Variants in EPHA7 observed in about 807,000 individuals in gnomAD.
EPHA7 encodes EPH receptor A7.
A neutral mutation model predicts 112.6 loss-of-function variants in EPHA7; 25 were observed. That is an observed-to-expected ratio of 0.22 (90% CI 0.16 to 0.31). EPHA7 has a LOEUF of 0.31. Among genes scored for constraint, EPHA7 ranks in the 10% least tolerant of loss-of-function variants. EPHA7 has a pLI of 1.00. For synonymous variants in EPHA7, 437 were observed against 406.5 expected (o/e 1.07, Z -0.90); for missense variants, 962 against 1,212.6 (o/e 0.79, Z 3.07).
At chr6:93,414,917 C>A in intron 1 of EPHA7, 150 bp from the exon 2 acceptor site, 1 of 613,200 alleles carries the variant, frequency 1.6e-6, no homozygotes, top group Non-Finnish European at 2.8e-6. Flanking sequence ...TGAACACCCT[C>A]CTGATACATG....
intron 5 of EPHA7, among the ~76,000 whole-genome samples, chr6:93,309,092 G>A (rs954002190): frequency 6.6e-6 from 1 of 152,060 alleles, no homozygotes; most frequent in African/African-American, 2.4e-5. Context: ...GGGATTACAG[G>A]CATGTGTCAC....
chr6:93,363,720 C>A (rs1012786197), intron 3 of EPHA7, among the ~76,000 whole-genome samples: 1 of 152,108 alleles, frequency 6.6e-6, no homozygotes, highest in Non-Finnish European at 1.5e-5. Flanking sequence ...TAGGTATATA[C>A]TCAAGATAAA....
At chr6:93,366,413 T>C (rs1189384908) in intron 3 of EPHA7, among the ~76,000 whole-genome samples, 1 of 152,212 alleles carries the variant, frequency 6.6e-6, no homozygotes, top group Non-Finnish European at 1.5e-5. Flanking sequence ...TATCTGCAAA[T>C]GATTGTTTAT....
At chr6:93,285,479 T>C (rs546463682) in intron 5 of EPHA7, among the ~76,000 whole-genome samples, 143 of 151,746 alleles carry the variant, frequency 9.4e-4, no homozygotes, top group African/African-American at 3.3e-3. Flanking sequence ...CCAACAAACA[T>C]GTATTTGACC....
chr6:93,323,308 TG>T (rs1201807115), intron 5 of EPHA7, among the ~76,000 whole-genome samples: 1 of 151,502 alleles, frequency 6.6e-6, no homozygotes, highest in African/African-American at 2.4e-5. Context: ...TGGAATCCAA[TG>T]GGGTAAAACG....
At chr6:93,270,669 C>T (rs1771171870) in intron 6 of EPHA7, among the ~76,000 whole-genome samples, 1 of 151,590 alleles carries the variant, frequency 6.6e-6, no homozygotes, top group Admixed American at 6.6e-5. Flanking sequence ...TTTGCCTTCA[C>T]AGTGAGATTT....
At position 93,356,769 on chromosome 6, in the gene EPHA7, T is replaced by C. The variant is rs1775967542; in HGVS notation, c.1272A>G (p.Leu424=). 6.2e-7 allele frequency: 1 copy of C among 1,613,940 alleles called. No homozygotes were observed. Among genetic ancestry groups the C allele is most frequent in the Non-Finnish European group, 8.5e-7 (1 of 1,179,956 alleles). ...CAGCAAAGAGCCTCTGGGATCGGCTTAAGTCAGAAACTCCATTTACAGCTT... is the reference window on the plus strand; with the variant it reads ...CAGCAAAGAGCCTCTGGGATCGGCTCAAGTCAGAAACTCCATTTACAGCTT... The part of the protein sequence containing the change: ...EVEAVNGVSD[L]SRSQRLFAAV... Residue 424 remains leucine (L), a synonymous_variant, in exon 5 of 17, where the codon TTA becomes TTG. Transcript: ENST00000369303.
rs201814256 is a variant in EPHA7, at chr6:93,258,186, G to T, written c.2023C>A (p.Gln675Lys). The T allele has an allele frequency of 1.3e-5, 21 of 1,613,172 alleles. No individual in the cohort carries two copies. The highest frequency in any genetic ancestry group is 1.7e-5 in the Non-Finnish European group (20 of 1,179,596). ...KTLKVGYTEK[Q>K]RRDFLCEASI... ...GCTTCACACAAAAAGTCTCTCCTTT[G>T]TTTTTCTGTGTAACCAACTTTCAGG... Residue 675 changes from glutamine (Q) to lysine (K), a missense_variant, in exon 11 of 17, where the codon CAA becomes AAA. Gln to Lys is a moderately conservative substitution (Grantham distance 53). This residue lies in a region of EPHA7 where 746 missense variants were observed against 889.2 expected (regional missense o/e 0.84). Coordinates refer to ENST00000369303, the MANE Select transcript of EPHA7 (RefSeq NM_004440.4).
At chr6:93,282,765 G>A (rs551818560) in intron 5 of EPHA7, among the ~76,000 whole-genome samples, 4 of 152,298 alleles carry the variant, frequency 2.6e-5, no homozygotes, top group African/African-American at 7.2e-5. Flanking sequence ...CCAGCCCCGA[G>A]CAGTGAGGGG....
chr6:93,360,767 G>A (rs1170842445), intron 3 of EPHA7, among the ~76,000 whole-genome samples: 2 of 151,886 alleles, frequency 1.3e-5, no homozygotes, highest in Non-Finnish European at 2.9e-5. Flanking sequence ...TTAACAGATG[G>A]GAAAACAGAT....
At chr6:93,267,814 G>A (rs905004483) in intron 7 of EPHA7, among the ~76,000 whole-genome samples, 12 of 151,510 alleles carry the variant, frequency 7.9e-5, no homozygotes, top group African/African-American at 2.7e-4. Flanking sequence ...TACAAAGTCA[G>A]GAAAAGGCAT....
chr6:93,274,451 A>G lies in EPHA7; in HGVS notation c.1325-2029T>C, dbSNP rs531833654. Among the ~76,000 whole-genome samples, 50 of 152,084 alleles carry G rather than the reference A, an allele frequency of 3.3e-4. No individual in the cohort carries two copies. In the East Asian group the frequency reaches 9.7e-3, roughly 29 times the overall value. ...CCATCCTGGAAAATAATTTTTACCA[A>G]TAAAATTATAGCAATTGGGAACTGA... On this transcript the variant is annotated intron_variant, in intron 5 of 16. Coordinates refer to ENST00000369303, the MANE Select transcript of EPHA7 (RefSeq NM_004440.4).
chr6:93,258,397 A>T (rs1770538877), intron 10 of EPHA7, 113 bp from the exon 11 acceptor site: 1 of 1,102,996 alleles, frequency 9.1e-7, no homozygotes, highest in South Asian at 1.8e-5. Flanking sequence ...ATTTGAAAGC[A>T]TTTTAAAATA....
intron 5 of EPHA7, among the ~76,000 whole-genome samples, chr6:93,317,414 G>A (rs997044337): frequency 2.6e-5 from 4 of 152,058 alleles, no homozygotes. Flanking sequence ...TACTAAATTG[G>A]GGGAACACAC....
In EPHA7 at chr6:93,240,386, A is replaced by G. The variant is rs1769639391; in HGVS notation, c.*3040T>C. ...AAGAGAGGTGAATCACACCATTTTAATTGTCTTAAAAACACGGATAAGAAG... is the reference window on the plus strand; with the variant it reads ...AAGAGAGGTGAATCACACCATTTTAGTTGTCTTAAAAACACGGATAAGAAG... On this transcript the variant is annotated 3_prime_UTR_variant, in exon 17 of 17. Coordinates refer to ENST00000369303, the MANE Select transcript of EPHA7 (RefSeq NM_004440.4). 4.5e-6 allele frequency: 1 copy of G among 223,050 alleles called. No individual in the cohort carries two copies. The highest frequency in any genetic ancestry group is 1.8e-4 in the South Asian group (1 of 5,462). The allele number at this position is 223,050 out of a possible 1,614,324, so 13.8% of individuals were successfully genotyped here.
chr6:93,257,427 T>C, intron 12 of EPHA7, 35 bp downstream of exon 12: 1 of 1,494,766 alleles, frequency 6.7e-7, no homozygotes, highest in East Asian at 2.3e-5. Flanking sequence ...GCAAGCATAG[T>C]ATATTTAGAA....
chr6:93,259,332 G>T, intron 10 of EPHA7, 22 bp downstream of exon 10: 1 of 1,609,612 alleles, frequency 6.2e-7, no homozygotes, highest in Non-Finnish European at 8.5e-7. Context: ...ACAGCTGAAC[G>T]AGGAAGCTAC....
chr6:93,283,910 T>C (rs1771916808), intron 5 of EPHA7, among the ~76,000 whole-genome samples: 1 of 152,188 alleles, frequency 6.6e-6, no homozygotes. Flanking sequence ...TTACTATAAA[T>C]ACAATTTAAA....
chr6:93,325,301 T>C (rs1260435432), intron 5 of EPHA7, among the ~76,000 whole-genome samples: 1 of 151,328 alleles, frequency 6.6e-6, no homozygotes, highest in African/African-American at 2.4e-5. Context: ...TCTTTTTTAA[T>C]AAATAAAATT....
Sources: allele counts gnomAD v4.1 joint callset (sites outside exome capture counted in the v4.1 genomes callset), GRCh38; gene constraint gnomAD v4.1.1; regional missense constraint gnomAD v4.1.1; transcripts MANE v1.5; gene names NCBI Gene and HGNC (gene_info 2026-07-23, HGNC 2026-07-21).